Variants in NDUFAF2 observed in about 807,000 individuals in gnomAD.
NDUFAF2 encodes the protein NADH:ubiquinone oxidoreductase complex assembly factor 2, also known as NADH dehydrogenase [ubiquinone] 1 alpha subcomplex assembly factor 2.
NDUFAF2 carries 13 observed loss-of-function variants against 22.8 expected under a neutral mutation model. The ratio of observed to expected loss-of-function variants is 0.57; its 90% CI spans 0.37 to 0.91. NDUFAF2 has a LOEUF of 0.91. NDUFAF2 is among the 40% of genes least tolerant of loss of function. NDUFAF2 has a pLI of 0.01. For missense variants in NDUFAF2, 162 were observed against 195.2 expected (o/e 0.83, Z 1.01); for synonymous variants, 53 against 64.2 (o/e 0.83, Z 0.84).
chr5:61,139,102 T>G (rs1411868397), intron 3 of NDUFAF2, among the ~76,000 whole-genome samples: 1 of 152,220 alleles, frequency 6.6e-6, no homozygotes, highest in African/African-American at 2.4e-5. Context: ...ATAAACCCAT[T>G]GTTAAATCAA....
Position 61,006,566 on chromosome 5 carries a change from A to C in NDUFAF2, c.127+61184A>C, listed in dbSNP as rs371999157. 3.3e-5 allele frequency among the ~76,000 whole-genome samples: 5 copies of C among 152,252 alleles called. No homozygotes were observed. In the East Asian group the frequency reaches 9.7e-4, roughly 29 times the overall value. On this transcript the variant is annotated intron_variant, in intron 1 of 3. Coordinates refer to ENST00000296597, the MANE Select transcript of NDUFAF2 (RefSeq NM_174889.5). ...CATTTTCACGATATTGATTCTTCCT[A>C]CCCATGAGCATGGAATGTTCTTCCA...
intron 3 of NDUFAF2, among the ~76,000 whole-genome samples, chr5:61,107,221 T>C (rs928242186): frequency 2.0e-5 from 3 of 151,372 alleles, no homozygotes; most frequent in Admixed American, 2.0e-4. Flanking sequence ...AAGGGTTCCC[T>C]TTTCTCCACA....
chr5:61,119,950 A>G (rs1561571048), intron 3 of NDUFAF2, among the ~76,000 whole-genome samples: 1 of 152,168 alleles, frequency 6.6e-6, no homozygotes, highest in East Asian at 1.9e-4. Context: ...CTGAAATCCT[A>G]TGTCTGGCTG....
In NDUFAF2 at chr5:61,139,437, C is replaced by T. The variant is rs115812242; in HGVS notation, c.259-13267C>T. On this transcript the variant is annotated intron_variant, in intron 3 of 3. Transcript: ENST00000296597. ...AGTTGAATCATTGTAAGTCAGGGAC[C>T]GTCTGTATAGTAAAAAAGAGGGCTA... Among the ~76,000 whole-genome samples the T allele has an allele frequency of 3.6e-3, 555 of 152,208 alleles. 2 individuals are homozygous for T. The highest frequency in any genetic ancestry group is 0.013 in the African/African-American group (531 of 41,518).
At chr5:61,113,007 C>T (rs61332980) in intron 3 of NDUFAF2, among the ~76,000 whole-genome samples, 5,016 of 151,522 alleles carry the variant, frequency 0.033, 307 homozygotes, top group African/African-American at 0.12. Flanking sequence ...ATTGCATAAA[C>T]AAACAGGGGA....
intron 1 of NDUFAF2, among the ~76,000 whole-genome samples, chr5:60,991,585 C>T (rs1304852901): frequency 3.3e-5 from 5 of 152,188 alleles, no homozygotes; most frequent in African/African-American, 4.8e-5. Flanking sequence ...GCTTATTTCA[C>T]TTAACATAGC....
chr5:61,149,756 T>C (rs1022557158), intron 3 of NDUFAF2, among the ~76,000 whole-genome samples: 1 of 152,176 alleles, frequency 6.6e-6, no homozygotes, highest in Admixed American at 6.5e-5. Flanking sequence ...TATGGAGATA[T>C]AGGGTGATAT....
intron 1 of NDUFAF2, among the ~76,000 whole-genome samples, chr5:61,029,780 C>T (rs1751700121): frequency 6.6e-6 from 1 of 152,148 alleles, no homozygotes; most frequent in Non-Finnish European, 1.5e-5. Flanking sequence ...AAAATGTAAA[C>T]ATACATCTCT....
At chr5:61,052,787 A>G (rs1752041255) in intron 1 of NDUFAF2, among the ~76,000 whole-genome samples, 1 of 152,246 alleles carries the variant, frequency 6.6e-6, no homozygotes, top group Non-Finnish European at 1.5e-5. Context: ...GTATTTCACC[A>G]GGTTTTTAAT....
chr5:61,075,429 C>A (rs573198010), intron 2 of NDUFAF2, among the ~76,000 whole-genome samples: 1 of 152,142 alleles, frequency 6.6e-6, no homozygotes, highest in East Asian at 1.9e-4. Flanking sequence ...GGTAATTGAG[C>A]TTTCTTATTT....
chr5:60,950,437 G>T (rs1332963958), intron 1 of NDUFAF2, among the ~76,000 whole-genome samples: 1 of 151,878 alleles, frequency 6.6e-6, no homozygotes, highest in Admixed American at 6.6e-5. Flanking sequence ...TGCCCACCTT[G>T]GCCTCCTAAA....
In NDUFAF2 at chr5:61,070,596, TACACAC is replaced by T. The variant is rs10651718; in HGVS notation, c.128-2502_128-2497del. On this transcript the variant is annotated intron_variant, in intron 1 of 3. Coordinates refer to ENST00000296597, the MANE Select transcript of NDUFAF2 (RefSeq NM_174889.5). ...ATTAATTACTCTTCCTGTCTTTGCA[TACACAC>T]ACACACACACACACACACACACACA... Among the ~76,000 whole-genome samples the T allele has an allele frequency of 2.5e-3, 365 of 148,004 alleles. 5 individuals carry two copies. Among genetic ancestry groups the T allele is most frequent in the East Asian group, 0.02 (100 of 5,038 alleles).
At chr5:61,116,634 C>T (rs1340869589) in intron 3 of NDUFAF2, 2 of 152,226 alleles carry the variant, frequency 1.3e-5, no homozygotes, top group African/African-American at 2.4e-5. Flanking sequence ...AATTCTATAC[C>T]TAGTTTTATG....
chr5:61,092,646 A>G (rs185600644), intron 2 of NDUFAF2, among the ~76,000 whole-genome samples: 3 of 152,286 alleles, frequency 2.0e-5, no homozygotes, highest in East Asian at 1.9e-4. Context: ...GGATCATGTC[A>G]TCTGCAAACA....
intron 1 of NDUFAF2, among the ~76,000 whole-genome samples, chr5:60,951,286 G>A (rs748851666): frequency 3.9e-5 from 6 of 152,178 alleles, no homozygotes; most frequent in Non-Finnish European, 7.4e-5. Flanking sequence ...CTGCCTCAGC[G>A]TCCCAAAGTG....
chr5:60,948,372 C>G (rs1052936325), intron 1 of NDUFAF2, among the ~76,000 whole-genome samples: 2 of 151,978 alleles, frequency 1.3e-5, no homozygotes, highest in Admixed American at 6.6e-5. Context: ...GCCACCCTGC[C>G]CAGTTAACTT....
chr5:61,150,639 G>A (rs997236866), intron 3 of NDUFAF2, among the ~76,000 whole-genome samples: 1 of 152,058 alleles, frequency 6.6e-6, no homozygotes, highest in African/African-American at 2.4e-5. Flanking sequence ...AGTAGGCAGG[G>A]GCACAGCTTC....
intron 1 of NDUFAF2, among the ~76,000 whole-genome samples, chr5:61,055,895 G>T (rs1752081049): frequency 6.6e-6 from 1 of 152,064 alleles, no homozygotes; most frequent in Non-Finnish European, 1.5e-5. Flanking sequence ...AATTATAAAA[G>T]TGAAGATTGT....
chr5:61,035,020 G>A (rs1022980139), intron 1 of NDUFAF2, among the ~76,000 whole-genome samples: 4 of 151,300 alleles, frequency 2.6e-5, no homozygotes, highest in African/African-American at 9.7e-5. Flanking sequence ...CTAAAACATT[G>A]GGAGCATAAA....
Sources: gnomAD v4.1 joint callset for allele counts (sites outside exome capture counted in the v4.1 genomes callset) on GRCh38, gnomAD v4.1.1 for gene constraint, MANE v1.5 for transcripts, NCBI Gene and HGNC (gene_info 2026-07-23, HGNC 2026-07-21) for gene names.